The following CTNNA3 variants were observed in gnomAD, a reference collection of about 807,000 sequenced individuals.
The protein encoded by CTNNA3 is catenin alpha-3.
CTNNA3 carries 76 observed loss-of-function variants against 95.7 expected under a neutral mutation model. That is an observed-to-expected ratio of 0.79 (90% CI 0.66 to 0.96). The LOEUF (loss-of-function observed/expected upper bound fraction) is 0.96. CTNNA3 is among the 40% of genes least tolerant of loss of function. The pLI is 0.00. For missense variants in CTNNA3, 1,191 were observed against 1,089.8 expected (o/e 1.09, Z -1.31); for synonymous variants, 431 against 374.4 (o/e 1.15, Z -1.74).
intron 7 of CTNNA3, among the ~76,000 whole-genome samples, chr10:66,914,130 C>CTTTTTTTTTTTTTTTCTTTTTTTTTTT (rs1846358790): frequency 1.7e-5 from 2 of 120,272 alleles, no homozygotes; most frequent in African/African-American, 3.1e-5. Context: ...AGGGTGCCTT[C>CTTTTTTTTTTTTTTTCTTTTTTTTTTT]TTTTTTTTTT....
intron 12 of CTNNA3, among the ~76,000 whole-genome samples, chr10:66,300,654 AC>A (rs2091848361): frequency 6.6e-6 from 1 of 151,958 alleles, no homozygotes; most frequent in African/African-American, 2.4e-5. Context: ...TTAGATACAT[AC>A]AAATTGAAGG....
intron 12 of CTNNA3, among the ~76,000 whole-genome samples, chr10:66,353,819 G>T (rs1438293360): frequency 6.6e-6 from 1 of 151,886 alleles, no homozygotes; most frequent in Non-Finnish European, 1.5e-5. Context: ...GATAAATCTA[G>T]GGAGATGAAA....
Position 67,506,463 on chromosome 10 carries a change from C to G in CTNNA3, c.579+15379G>C, listed in dbSNP as rs1241714090. On this transcript the variant is annotated intron_variant, in intron 5 of 17. Coordinates refer to ENST00000433211, the MANE Select transcript of CTNNA3 (RefSeq NM_013266.4). ...GCCTTAAAAAAAATAACAGAACAAA[C>G]TAAACTTCTCATTACATATTAAATT... is the stretch of plus-strand genomic sequence containing the variant. 3.9e-5 allele frequency among the ~76,000 whole-genome samples: 6 copies of G among 152,272 alleles called. No individual in the cohort carries two copies. The East Asian group carries it at 1.2e-3, about 29-fold the overall frequency.
chr10:67,337,547 T>C (rs900307147), intron 5 of CTNNA3, among the ~76,000 whole-genome samples: 1 of 152,216 alleles, frequency 6.6e-6, no homozygotes, highest in Non-Finnish European at 1.5e-5. Flanking sequence ...TTTGAAAGGA[T>C]TGACCACAAT....
At chr10:66,392,015 G>T (rs1328217324) in intron 11 of CTNNA3, among the ~76,000 whole-genome samples, 3 of 151,918 alleles carry the variant, frequency 2.0e-5, no homozygotes, top group African/African-American at 7.3e-5. Flanking sequence ...AGGTGATCTT[G>T]GGTTTGGCAA....
intron 9 of CTNNA3, among the ~76,000 whole-genome samples, chr10:66,643,189 A>C (rs1474322111): frequency 6.6e-6 from 1 of 152,208 alleles, no homozygotes; most frequent in Middle Eastern, 3.2e-3. Flanking sequence ...AAACTTGTAA[A>C]TCTTGTCAAC....
At chr10:67,336,240 C>A (rs142266370) in intron 5 of CTNNA3, among the ~76,000 whole-genome samples, 4 of 152,238 alleles carry the variant, frequency 2.6e-5, no homozygotes, top group Admixed American at 2.6e-4. Flanking sequence ...AATTAATAAT[C>A]CTAAAATGAC....
At chr10:66,582,208 C>A (rs915743262) in intron 10 of CTNNA3, among the ~76,000 whole-genome samples, 1 of 151,772 alleles carries the variant, frequency 6.6e-6, no homozygotes, top group Non-Finnish European at 1.5e-5. Flanking sequence ...ATAGAAATTG[C>A]ATTGAATCTG....
chr10:66,171,924 T>C (rs777024104), intron 13 of CTNNA3, among the ~76,000 whole-genome samples: 1 of 152,202 alleles, frequency 6.6e-6, no homozygotes, highest in African/African-American at 2.4e-5. Context: ...CAGACTTAAC[T>C]TCTATTATCA....
At position 66,359,579 on chromosome 10, in the gene CTNNA3, A is replaced by T. The variant is rs2092637341; in HGVS notation, c.1732+19573T>A. Among the ~76,000 whole-genome samples, 3 of 152,282 alleles carry T rather than the reference A, an allele frequency of 2.0e-5. No individual in the cohort carries two copies. The South Asian group carries it at 6.2e-4, about 32-fold the overall frequency. ...ATTTGAGTATCCTGATTTCTGGATT[A>T]AATCATTCCCAGACAATAGCATCAA... On this transcript the variant is annotated intron_variant, in intron 12 of 17. Transcript: ENST00000433211.
rs563137022 is a variant in CTNNA3 at position 66,054,554 on chromosome 10, T to G, written c.2159+14754A>C. ...GAGAAATGTCTATGCAGATCTTTTG[T>G]ACATTTTTGATTGGATTGTTCTTTT... On this transcript the variant is annotated intron_variant, in intron 15 of 17. Coordinates refer to ENST00000433211, the MANE Select transcript of CTNNA3 (RefSeq NM_013266.4). 2.1e-4 allele frequency among the ~76,000 whole-genome samples: 32 copies of G among 152,264 alleles called. No individual in the cohort carries two copies. The South Asian group carries it at 4.6e-3, about 22-fold the overall frequency.
intron 7 of CTNNA3, among the ~76,000 whole-genome samples, chr10:66,915,841 C>T (rs573581393): frequency 1.1e-4 from 17 of 151,508 alleles, no homozygotes; most frequent in East Asian, 5.8e-4. Flanking sequence ...CTCTGCCTCC[C>T]GAGTTCAAGC....
intron 9 of CTNNA3, among the ~76,000 whole-genome samples, chr10:66,636,752 A>C (rs1029888027): frequency 6.6e-6 from 1 of 152,184 alleles, no homozygotes; most frequent in East Asian, 1.9e-4. Flanking sequence ...ACAAATATTT[A>C]TTATCTATCA....
At chr10:66,272,179 C>A (rs2091296710) in intron 13 of CTNNA3, among the ~76,000 whole-genome samples, 1 of 152,114 alleles carries the variant, frequency 6.6e-6, no homozygotes, top group Admixed American at 6.6e-5. Context: ...CTTAGGAATC[C>A]CCCTGGTAGG....
At chr10:67,603,692 T>C (rs144709585) in intron 3 of CTNNA3, among the ~76,000 whole-genome samples, 8 of 152,238 alleles carry the variant, frequency 5.3e-5, no homozygotes, top group Non-Finnish European at 7.4e-5. Context: ...CTGTACAATG[T>C]GTTTTAATCT....
chr10:65,979,961 A>G (rs1051343346), intron 16 of CTNNA3, among the ~76,000 whole-genome samples: 17 of 152,088 alleles, frequency 1.1e-4, no homozygotes, highest in African/African-American at 4.1e-4. Flanking sequence ...GAAAATAAAT[A>G]ACAAAGATCT....
At chr10:66,024,830 AATC>A (rs2079304016) in intron 15 of CTNNA3, among the ~76,000 whole-genome samples, 3 of 152,202 alleles carry the variant, frequency 2.0e-5, no homozygotes, top group Non-Finnish European at 4.4e-5. Flanking sequence ...GAGACTTAAG[AATC>A]AGTGATACAG....
chr10:66,199,776 TATATATATATATATATATATATATATA>T (rs1564755645), intron 13 of CTNNA3, among the ~76,000 whole-genome samples: 7 of 7,898 alleles, frequency 8.9e-4, no homozygotes, highest in East Asian at 2.5e-3. Context: ...TATATATATA[TATATATATATATATATATATATATATA>T]TATTTTTTTT....
chr10:66,367,871 AATAATAATAATTATTATTATTATTATT>A (rs71035133), intron 12 of CTNNA3, among the ~76,000 whole-genome samples: 7,200 of 58,646 alleles, frequency 0.12, 231 homozygotes, highest in South Asian at 0.22. Flanking sequence ...TAATAATAAT[AATAATAATAATTATTATTATTATTATT>A]ATTATTATTA....
Sources: allele counts gnomAD v4.1 joint callset (sites outside exome capture counted in the v4.1 genomes callset), GRCh38; gene constraint gnomAD v4.1.1; transcripts MANE v1.5; gene names NCBI Gene and HGNC (gene_info 2026-07-23, HGNC 2026-07-21).